The following NELL1 variants were observed in gnomAD, a reference collection of about 807,000 sequenced individuals.
NELL1 encodes the protein neural EGFL like 1.
In NELL1, 76 loss-of-function variants were observed where a neutral mutation model predicts 107.4. The ratio of observed to expected loss-of-function variants is 0.71; its 90% confidence interval spans 0.59 to 0.86. NELL1 has a LOEUF of 0.86. Ranked by LOEUF, NELL1 falls within the 40% of genes least tolerant of loss-of-function variation. The pLI is 0.00. For missense variants in NELL1, 1,024 were observed against 1,005.5 expected, an observed-to-expected ratio of 1.02 and a Z score of -0.25; for synonymous variants, 353 against 341.2, an observed-to-expected ratio of 1.03 and a Z score of -0.38.
At chr11:21,503,404 A>C (rs2133934959) in intron 15 of NELL1, among the ~76,000 whole-genome samples, 1 of 152,314 alleles carries the variant, frequency 6.6e-6, no homozygotes, top group East Asian at 1.9e-4. Context: ...ACAAAAATCA[A>C]ATAAGCCAAA....
At chr11:21,066,706 T>A (rs561994129) in intron 12 of NELL1, among the ~76,000 whole-genome samples, 2 of 152,178 alleles carry the variant, frequency 1.3e-5, no homozygotes, top group South Asian at 4.1e-4. Context: ...TCTCAGCACT[T>A]TGGGAGGCTG....
intron 14 of NELL1, among the ~76,000 whole-genome samples, chr11:21,352,285 TTA>T (rs1850835120): frequency 6.6e-6 from 1 of 152,176 alleles, no homozygotes; most frequent in African/African-American, 2.4e-5. Context: ...TTTGTTTAGT[TTA>T]TATTTTTCTC....
At chr11:21,456,536 G>A (rs7951142) in intron 15 of NELL1, among the ~76,000 whole-genome samples, 150,677 of 152,226 alleles carry the variant, frequency 0.99, 74,591 homozygotes, top group Middle Eastern at 1. Flanking sequence ...TAGTGAAAAA[G>A]TATTTTTTTT....
At chr11:20,863,816 A>T (rs993216693) in intron 4 of NELL1, among the ~76,000 whole-genome samples, 1 of 152,162 alleles carries the variant, frequency 6.6e-6, no homozygotes, top group Non-Finnish European at 1.5e-5. Flanking sequence ...AGCCTGGGCA[A>T]CATTGAGCAC....
chr11:20,838,129 A>C (rs1021511642), intron 3 of NELL1, among the ~76,000 whole-genome samples: 11 of 151,874 alleles, frequency 7.2e-5, no homozygotes, highest in Non-Finnish European at 1.3e-4. Context: ...TACTGTGAGA[A>C]TTGCACATTA....
In NELL1 at chr11:21,112,690, T is replaced by C. The variant is rs138079018; in HGVS notation, c.1301-899T>C. ...AAAACATTGGGTTCAGAATTGACCA[T>C]TGGGACAAAATGATGAGGATACTTG... On this transcript the variant is annotated intron_variant, in intron 12 of 19. Coordinates refer to ENST00000357134, the MANE Select transcript of NELL1 (RefSeq NM_006157.5). Among the ~76,000 whole-genome samples, 1,179 of 152,128 alleles carry C rather than the reference T, an allele frequency of 7.8e-3. 12 individuals carry two copies. The highest frequency in any genetic ancestry group is 0.013 in the Non-Finnish European group (859 of 67,936).
intron 2 of NELL1, among the ~76,000 whole-genome samples, chr11:20,697,854 A>T (rs934244643): frequency 6.6e-6 from 1 of 152,162 alleles, no homozygotes; most frequent in Non-Finnish European, 1.5e-5. Context: ...TTTCATAGGA[A>T]CACTGCCCAT....
chr11:20,713,610 T>C (rs189779245), intron 2 of NELL1, among the ~76,000 whole-genome samples: 1 of 152,204 alleles, frequency 6.6e-6, no homozygotes, highest in African/African-American at 2.4e-5. Context: ...TCTGCCCACA[T>C]TGTGGTCAGC....
chr11:21,389,595 C>A (rs145087350), intron 15 of NELL1, among the ~76,000 whole-genome samples: 159 of 151,856 alleles, frequency 1.0e-3, no homozygotes, highest in Non-Finnish European at 1.3e-3. Flanking sequence ...GAAAAGCACA[C>A]CAAGAGGAAC....
chr11:21,012,141 C>A (rs550253499), intron 12 of NELL1, among the ~76,000 whole-genome samples: 1 of 152,134 alleles, frequency 6.6e-6, no homozygotes. Context: ...CCACTGCAGC[C>A]GCTCTACTTT....
chr11:21,516,809 ATTT>A (rs367937806), intron 15 of NELL1, among the ~76,000 whole-genome samples: 1 of 145,280 alleles, frequency 6.9e-6, no homozygotes, highest in Non-Finnish European at 1.5e-5. Context: ...TGGCATTGGT[ATTT>A]TTTTTTTTTT....
chr11:21,137,816 G>A (rs1332121066), intron 13 of NELL1, among the ~76,000 whole-genome samples: 1 of 152,172 alleles, frequency 6.6e-6, no homozygotes, highest in East Asian at 1.9e-4. Context: ...GGAAGAGGGG[G>A]TCTATTGTTA....
intron 16 of NELL1, among the ~76,000 whole-genome samples, chr11:21,554,061 A>G (rs1382196483): frequency 3.9e-5 from 6 of 151,984 alleles, no homozygotes; most frequent in Non-Finnish European, 2.9e-5. Flanking sequence ...GCCTCTGTGC[A>G]GTAAAACTCT....
At chr11:21,515,341 A>G (rs149478083) in intron 15 of NELL1, among the ~76,000 whole-genome samples, 213 of 152,336 alleles carry the variant, frequency 1.4e-3, no homozygotes, top group African/African-American at 5.0e-3. Context: ...TAGGAAAAGT[A>G]AAAGTTCAGC....
intron 4 of NELL1, among the ~76,000 whole-genome samples, chr11:20,863,469 G>GAT (rs1849025645): frequency 7.0e-6 from 1 of 143,528 alleles, no homozygotes; most frequent in Non-Finnish European, 1.6e-5. Flanking sequence ...CTTCTCAGAC[G>GAT]GGGCGGCCGG....
Position 21,231,387 on chromosome 11 carries a change from C to G in NELL1, c.1549+1933C>G, listed in dbSNP as rs181772708. 2.6e-4 allele frequency among the ~76,000 whole-genome samples: 39 copies of G among 152,104 alleles called. No individual in the cohort carries two copies. The East Asian group carries it at 6.4e-3, about 25-fold the overall frequency. ...GGTCTTTTATATGTGAATATTTGTG[C>G]GTATTTTTTCTAAAGTACCCTGAAG... On this transcript the variant is annotated intron_variant, in intron 14 of 19. Coordinates refer to ENST00000357134, the MANE Select transcript of NELL1 (RefSeq NM_006157.5).
chr11:20,989,992 G>A (rs1419878244), intron 12 of NELL1, among the ~76,000 whole-genome samples: 29 of 131,606 alleles, frequency 2.2e-4, no homozygotes, highest in Non-Finnish European at 3.8e-4. Flanking sequence ...GTGAGACTCC[G>A]TCTCAAAAAA....
chr11:20,983,810 G>T (rs1206993728), intron 12 of NELL1, among the ~76,000 whole-genome samples: 1 of 152,036 alleles, frequency 6.6e-6, no homozygotes, highest in South Asian at 2.1e-4. Flanking sequence ...TGAACATTTT[G>T]CCCTCGTGGC....
chr11:20,710,546 G>A (rs899251941), intron 2 of NELL1, among the ~76,000 whole-genome samples: 1 of 152,114 alleles, frequency 6.6e-6, no homozygotes, highest in Non-Finnish European at 1.5e-5. Flanking sequence ...GTATTAGGGT[G>A]ACACTGGTTT....
Sources: gnomAD v4.1 joint callset for allele counts (sites outside exome capture counted in the v4.1 genomes callset) on GRCh38, gnomAD v4.1.1 for gene constraint, MANE v1.5 for transcripts, NCBI Gene and HGNC (gene_info 2026-07-23, HGNC 2026-07-21) for gene names.